Variants in VIL1 observed in about 807,000 individuals in gnomAD.
VIL1 encodes the protein villin-1.
In VIL1, 86 loss-of-function variants were observed where a neutral mutation model predicts 104.0. The ratio of observed to expected loss-of-function variants is 0.83; its 90% CI spans 0.69 to 0.99. The LOEUF (loss-of-function observed/expected upper bound fraction) is 0.99. Ranked by LOEUF, VIL1 falls within the 50% of genes least tolerant of loss-of-function variation. The pLI is 0.00. For missense variants in VIL1, 944 were observed against 1,054.1 expected (o/e 0.90, Z 1.45); for synonymous variants, 394 against 412.6 (o/e 0.95, Z 0.55).
chr2:218,435,291 T>C lies in VIL1; in HGVS notation c.1683T>C (p.Gly561=), dbSNP rs373820841. The part of the protein sequence containing the change: ...QSCCYLWCGK[G]CSGDEREMAK... The stretch of plus-strand genomic sequence containing the variant: ...TAGCCAACTCTTTTTTTTCCTAGGG[T>C]TGTAGCGGGGACGAGCGGGAGATGG... The change falls in exon 15 of 20, where the codon GGT becomes GGC. Residue 561 remains glycine, a splice_region_variant and synonymous_variant. Transcript: ENST00000248444. 2.5e-6 allele frequency: 4 copies of C among 1,613,244 alleles called. No homozygotes were observed. The highest frequency in any genetic ancestry group is 2.7e-5 in the African/African-American group (2 of 74,932).
intron 18 of VIL1, among the ~76,000 whole-genome samples, chr2:218,439,182 C>T (rs946866559): frequency 9.9e-5 from 15 of 151,868 alleles, no homozygotes; most frequent in Admixed American, 2.0e-4. Flanking sequence ...CCACCAGCCT[C>T]GGCCTCCCAA....
At chr2:218,434,157 A>G (rs1053466814) in intron 13 of VIL1, among the ~76,000 whole-genome samples, 8 of 145,718 alleles carry the variant, frequency 5.5e-5, no homozygotes, top group Non-Finnish European at 1.0e-4. Context: ...AGATAGTGCC[A>G]TTGCACTCCA....
Position 218,424,291 on chromosome 2 carries a change from G to T in VIL1, c.90G>T (p.Val30=). Residue 30 remains valine, a synonymous_variant, in exon 3 of 20, where the codon GTG becomes GTT. Transcript: ENST00000248444. The part of the protein sequence containing the change: ...QIWRIEAMQM[V]PVPSSTFGSF... ...TCTCTCCTTAGGCCATGCAGATGGT[G>T]CCTGTTCCTTCCAGCACCTTTGGAA... 1 of 1,614,046 alleles carries T rather than the reference G, an allele frequency of 6.2e-7. No individual in the cohort carries two copies.
intron 18 of VIL1, among the ~76,000 whole-genome samples, 200 bp downstream of exon 18, chr2:218,438,926 ATTTTTTT>A (rs34676834): frequency 2.8e-5 from 3 of 107,660 alleles, no homozygotes; most frequent in Non-Finnish European, 3.6e-5. Context: ...ATGGTTCTCA[ATTTTTTT>A]TTTTTTTTTT....
chr2:218,430,994 C>A, intron 10 of VIL1, 116 bp downstream of exon 10: 1 of 1,367,204 alleles, frequency 7.3e-7, no homozygotes, highest in Non-Finnish European at 1.0e-6. Context: ...AAGACTTTTA[C>A]GCTGGCTCTG....
At chr2:218,434,404 G>C in intron 13 of VIL1, 122 bp from the exon 14 acceptor site, 1 of 948,620 alleles carries the variant, frequency 1.1e-6, no homozygotes, top group Non-Finnish European at 1.6e-6. Context: ...ACCTGGTGAC[G>C]GAGCATCAGA....
intron 14 of VIL1, 134 bp from the exon 15 acceptor site, chr2:218,435,155 C>T: frequency 8.5e-7 from 1 of 1,173,438 alleles, no homozygotes. Context: ...ATGGAATTGT[C>T]CCTGTGTGGC....
rs569201277 is a variant in VIL1, at chr2:218,438,352, C to T, written c.2161-306C>T. 3.3e-5 allele frequency among the ~76,000 whole-genome samples: 5 copies of T among 152,358 alleles called. No individual in the cohort carries two copies. In the South Asian group the frequency reaches 1.0e-3, roughly 32 times the overall value. On this transcript the variant is annotated intron_variant, in intron 17 of 19. Coordinates refer to ENST00000248444, the MANE Select transcript of VIL1 (RefSeq NM_007127.3). The stretch of plus-strand genomic sequence containing the variant: ...CATAGCCTAGGCAGGGTTCTCCATA[C>T]TGCCTGTGGGTTCTTGCCCTGGCCC...
rs763127617 is a variant in VIL1, at chr2:218,425,798, A to C, written c.334A>C (p.Lys112Gln). The change falls in exon 4 of 20, where the codon AAG (lysine) becomes CAG (glutamine). Residue 112 changes from lysine (K) to glutamine (Q), a missense_variant. Physicochemically the swap from Lys to Gln is moderately conservative, Grantham distance 53. Coordinates refer to ENST00000248444, the MANE Select transcript of VIL1 (RefSeq NM_007127.3). Reference protein sequence around the residue: ...NESEAFRGYFKQGLVIRKGGV... With the variant: ...NESEAFRGYFQQGLVIRKGGV... ...GAGCGAGGCCTTCCGAGGCTACTTC[A>C]AGCAAGGCCTTGTGTAGGGAGGGTG... 1.7e-5 allele frequency: 28 copies of C among 1,609,810 alleles called. No homozygotes were observed. The South Asian group carries it at 3.1e-4, about 18-fold the overall frequency.
intron 15 of VIL1, among the ~76,000 whole-genome samples, chr2:218,436,079 TC>T (rs1689184497): frequency 6.6e-6 from 1 of 152,146 alleles, no homozygotes; most frequent in Admixed American, 6.6e-5. Context: ...CCTCAGGTGA[TC>T]CACCTGCCTC....
At chr2:218,426,358 G>A (rs3888306) in intron 4 of VIL1, among the ~76,000 whole-genome samples, 8,541 of 151,784 alleles carry the variant, frequency 0.056, 820 homozygotes, top group African/African-American at 0.19. Flanking sequence ...GGGCTCAAGC[G>A]ATTCTCATGC....
Position 218,452,090 on chromosome 2 carries a change from T to C in VIL1, c.*2754T>C, listed in dbSNP as rs1316280575. On this transcript the variant is annotated 3_prime_UTR_variant, in exon 20 of 20. Transcript: ENST00000248444. ...TCCAACCTTCAGTACTATTAGGTGA[T>C]TAAAATCAACAAATATGAAGTTTAG... The C allele has an allele frequency of 6.6e-6, 1 of 152,578 alleles. No individual in the cohort carries two copies. The highest frequency in any genetic ancestry group is 6.5e-5 in the Admixed American group (1 of 15,278). 9.5% of individuals were successfully genotyped at this position (152,578 alleles called of 1,614,324 possible). A position where few individuals can be genotyped will look rare whatever the true frequency, so the allele number is the denominator to read the frequency against.
At chr2:218,423,515 CTG>C (rs1033432400) in intron 1 of VIL1, among the ~76,000 whole-genome samples, 16 of 152,244 alleles carry the variant, frequency 1.1e-4, no homozygotes, top group African/African-American at 3.9e-4. Flanking sequence ...AGGGTTCACT[CTG>C]TTCATTCATT....
chr2:218,433,767 C>T (rs915537156), intron 13 of VIL1, among the ~76,000 whole-genome samples: 4 of 151,990 alleles, frequency 2.6e-5, no homozygotes, highest in Admixed American at 2.0e-4. Flanking sequence ...ATTAGCCAAA[C>T]GTGGTAGTGC....
In VIL1 at chr2:218,423,864, G is replaced by C; in HGVS notation, c.75+11G>C. 6.2e-7 allele frequency: 1 copy of C among 1,614,164 alleles called. No homozygotes were observed. Among genetic ancestry groups the C allele is most frequent in the Non-Finnish European group, 8.5e-7 (1 of 1,180,002 alleles). On this transcript the variant is annotated intron_variant, in intron 2 of 19. Coordinates refer to ENST00000248444, the MANE Select transcript of VIL1 (RefSeq NM_007127.3). The stretch of plus-strand genomic sequence containing the variant: ...ATATGGAGGATCGAGGTGAGGCCCT[G>C]TCTGGGCATGGGGGCTGCTCAGGCC...
In VIL1 at chr2:218,452,710, G is replaced by A. The variant is rs1158021261; in HGVS notation, c.*3374G>A. 6.6e-6 allele frequency: 1 copy of A among 152,190 alleles called. No individual in the cohort carries two copies. The highest frequency in any genetic ancestry group is 6.5e-5 in the Admixed American group (1 of 15,272). The allele number at this position is 152,190 out of a possible 1,614,324, so 9.4% of individuals were successfully genotyped here. A position where few individuals can be genotyped will look rare whatever the true frequency, so the allele number is the denominator to read the frequency against. On this transcript the variant is annotated 3_prime_UTR_variant, in exon 20 of 20. Coordinates refer to ENST00000248444, the MANE Select transcript of VIL1 (RefSeq NM_007127.3). The stretch of plus-strand genomic sequence containing the variant: ...AAAGCTATGAAAGCAATTCAAATGA[G>A]GCTGCTTCATGAGGCAATCTAGACT...
At chr2:218,421,681 T>C (rs576179260) in intron 1 of VIL1, among the ~76,000 whole-genome samples, 1 of 152,256 alleles carries the variant, frequency 6.6e-6, no homozygotes, top group African/African-American at 2.4e-5. Flanking sequence ...TTGCCCACCT[T>C]TGGCCTGTGG....
intron 16 of VIL1, among the ~76,000 whole-genome samples, 173 bp downstream of exon 16, chr2:218,436,799 A>G (rs1297438569): frequency 6.6e-6 from 1 of 152,218 alleles, no homozygotes; most frequent in African/African-American, 2.4e-5. Flanking sequence ...GGGGAGGAAC[A>G]TGCTCAGAGG....
chr2:218,419,285 G>A (rs1688861691), intron 1 of VIL1, 117 bp downstream of exon 1: 1 of 152,246 alleles, frequency 6.6e-6, no homozygotes. Context: ...GCTCGAAGGG[G>A]AGGCTTGACA....
Sources: allele counts gnomAD v4.1 joint callset (sites outside exome capture counted in the v4.1 genomes callset), GRCh38; gene constraint gnomAD v4.1.1; transcripts MANE v1.5; gene names NCBI Gene and HGNC (gene_info 2026-07-23, HGNC 2026-07-21).